Variants in TCF12 observed in about 807,000 individuals in gnomAD.
TCF12 encodes the protein transcription factor 12.
Under a neutral mutation model 86.0 loss-of-function variants are expected in TCF12, and 45 were observed. The observed-to-expected ratio is 0.52, with a 90% CI of 0.41 to 0.67. The LOEUF is 0.67. Ranked by LOEUF, TCF12 falls within the 30% of genes least tolerant of loss-of-function variation. The pLI, the probability that TCF12 is intolerant of heterozygous loss-of-function variation, is 0.00. For missense variants in TCF12, 881 were observed against 859.9 expected (o/e 1.02, Z -0.31); for synonymous variants, 330 against 299.6 (o/e 1.10, Z -1.05).
intron 3 of TCF12, among the ~76,000 whole-genome samples, chr15:56,936,928 TG>T (rs1567129965): frequency 1.3e-5 from 2 of 152,234 alleles, no homozygotes; most frequent in Admixed American, 6.5e-5. Context: ...TTGATCTTTT[TG>T]CTCAGTCTTG....
intron 3 of TCF12, among the ~76,000 whole-genome samples, chr15:56,948,774 C>G (rs1441321452): frequency 1.3e-5 from 2 of 152,170 alleles, no homozygotes; most frequent in African/African-American, 4.8e-5. Flanking sequence ...GCATTACTTG[C>G]CTATTCACCT....
rs371889402 is a variant in TCF12 at position 57,073,926 on chromosome 15, A to G, written c.222+10103A>G. Among the ~76,000 whole-genome samples, 22 of 151,670 alleles carry G rather than the reference A, an allele frequency of 1.5e-4. 4 individuals carry two copies. The highest frequency in any genetic ancestry group is 5.3e-4 in the African/African-American group (22 of 41,336). On this transcript the variant is annotated intron_variant, in intron 4 of 20. Transcript: ENST00000333725. ...ACCACTCCTGGCTAATTTTTTTTGTATTTTTAGTAGAGACAGGGTTTCACC... is the reference window on the plus strand; with the variant it reads ...ACCACTCCTGGCTAATTTTTTTTGTGTTTTTAGTAGAGACAGGGTTTCACC...
intron 13 of TCF12, chr15:57,248,163 T>C: frequency 1.4e-6 from 1 of 698,434 alleles, no homozygotes; most frequent in South Asian, 1.5e-5. Flanking sequence ...TTAAACAGAT[T>C]TCCCCTTACG....
intron 7 of TCF12, among the ~76,000 whole-genome samples, chr15:57,195,984 A>G (rs1597231072): frequency 6.6e-6 from 1 of 152,284 alleles, no homozygotes; most frequent in East Asian, 1.9e-4. Flanking sequence ...AGCCTGGCCA[A>G]CAGAGCAAGA....
At chr15:57,095,241 T>G (rs1361208235) in intron 5 of TCF12, among the ~76,000 whole-genome samples, 5 of 152,200 alleles carry the variant, frequency 3.3e-5, no homozygotes, top group African/African-American at 1.2e-4. Context: ...GTGAATCCCA[T>G]GGTCATTCAA....
At chr15:57,103,585 C>T (rs2049910596) in intron 5 of TCF12, among the ~76,000 whole-genome samples, 1 of 152,158 alleles carries the variant, frequency 6.6e-6, no homozygotes. Flanking sequence ...TATGTTAGCT[C>T]TACCACAATG....
intron 4 of TCF12, among the ~76,000 whole-genome samples, chr15:57,071,757 G>C (rs756178172): frequency 1.2e-4 from 19 of 152,204 alleles, no homozygotes; most frequent in Non-Finnish European, 2.5e-4. Context: ...TGAGATTCCA[G>C]AGGAGGGAGA....
intron 4 of TCF12, among the ~76,000 whole-genome samples, chr15:57,066,383 A>G (rs963234163): frequency 6.6e-6 from 1 of 152,188 alleles, no homozygotes; most frequent in African/African-American, 2.4e-5. Context: ...AATGTTGGCT[A>G]AAGACTAGTT....
intron 5 of TCF12, among the ~76,000 whole-genome samples, chr15:57,132,924 A>G (rs1234628056): frequency 1.3e-5 from 2 of 152,178 alleles, no homozygotes; most frequent in Non-Finnish European, 2.9e-5. Context: ...TATGCACTAT[A>G]CAGAGTCACC....
chr15:57,190,768 C>G (rs1439982769), intron 6 of TCF12, among the ~76,000 whole-genome samples: 1 of 152,144 alleles, frequency 6.6e-6, no homozygotes, highest in Non-Finnish European at 1.5e-5. Flanking sequence ...TAGCATACCT[C>G]AGAGCTCTCT....
upstream of TCF12, chr15:56,918,408 G>T (rs556199372): frequency 3.0e-5 from 11 of 362,434 alleles, no homozygotes; most frequent in African/African-American, 2.1e-4. Flanking sequence ...GTCGGCGAGC[G>T]GTCGGGGCCT....
intron 3 of TCF12, among the ~76,000 whole-genome samples, chr15:57,050,205 A>G (rs2067516871): frequency 6.6e-6 from 1 of 152,222 alleles, no homozygotes; most frequent in Non-Finnish European, 1.5e-5. Context: ...TAAAGAAAAT[A>G]GAGGATAAAT....
chr15:57,266,158 G>A (rs1240791075), intron 18 of TCF12, among the ~76,000 whole-genome samples: 3 of 151,764 alleles, frequency 2.0e-5, no homozygotes, highest in Non-Finnish European at 4.4e-5. Flanking sequence ...CACCCAGGCT[G>A]GAATGCCATG....
chr15:57,004,608 A>C (rs1377469864), intron 3 of TCF12, among the ~76,000 whole-genome samples: 12 of 151,982 alleles, frequency 7.9e-5, no homozygotes, highest in Non-Finnish European at 1.8e-4. Flanking sequence ...ACGGGGTTTC[A>C]TTGTGTTAGC....
At chr15:56,990,519 G>GA (rs1250537251) in intron 3 of TCF12, among the ~76,000 whole-genome samples, 2 of 151,924 alleles carry the variant, frequency 1.3e-5, no homozygotes, top group African/African-American at 4.8e-5. Flanking sequence ...CATTTAGAGG[G>GA]ATGTGGTGTT....
chr15:56,958,212 A>T (rs1408844019), intron 3 of TCF12, among the ~76,000 whole-genome samples: 1 of 152,144 alleles, frequency 6.6e-6, no homozygotes, highest in Non-Finnish European at 1.5e-5. Context: ...TTCTGATCTC[A>T]GTGAGTCTGT....
intron 6 of TCF12, among the ~76,000 whole-genome samples, chr15:57,169,888 A>C (rs2703611): frequency 0.011 from 1,648 of 152,336 alleles, 35 homozygotes; most frequent in African/African-American, 0.038. Flanking sequence ...GCAAAGGTGA[A>C]TCTTAACAGT....
intron 3 of TCF12, among the ~76,000 whole-genome samples, chr15:57,021,047 T>G (rs772388261): frequency 1.3e-5 from 2 of 152,224 alleles, no homozygotes; most frequent in Non-Finnish European, 2.9e-5. Flanking sequence ...ATTCTTCAAT[T>G]ACATTAAGAG....
At chr15:56,990,598 T>C (rs562193982) in intron 3 of TCF12, among the ~76,000 whole-genome samples, 1 of 152,228 alleles carries the variant, frequency 6.6e-6, no homozygotes, top group African/African-American at 2.4e-5. Context: ...GGGGGTAAAT[T>C]CTATTGCAGA....
Sources: gnomAD v4.1 joint callset for allele counts (sites outside exome capture counted in the v4.1 genomes callset) on GRCh38, gnomAD v4.1.1 for gene constraint, MANE v1.5 for transcripts, NCBI Gene and HGNC (gene_info 2026-07-23, HGNC 2026-07-21) for gene names.